ERC2: variants seen among roughly 807,000 people sequenced by gnomAD.
The protein encoded by ERC2 is ELKS/RAB6-interacting/CAST family member 2, also known as ERC protein 2.
A neutral mutation model predicts 114.8 loss-of-function variants in ERC2; 42 were observed. That is an observed-to-expected ratio of 0.37 (90% CI 0.29 to 0.47). The LOEUF (loss-of-function observed/expected upper bound fraction) is 0.47. Ranked by LOEUF, ERC2 falls within the 20% of genes least tolerant of loss-of-function variation. ERC2 has a pLI of 0.99. For synonymous variants in ERC2, 454 were observed against 425.5 expected, an observed-to-expected ratio of 1.07 and a Z score of -0.82; for missense variants, 939 against 1,150.7, an observed-to-expected ratio of 0.82 and a Z score of 2.66.
intron 12 of ERC2, among the ~76,000 whole-genome samples, chr3:55,966,908 A>G (rs1186121859): frequency 6.6e-6 from 1 of 152,198 alleles, no homozygotes; most frequent in African/African-American, 2.4e-5. Context: ...CAGAGGACAA[A>G]CACACAATCA....
intron 17 of ERC2, among the ~76,000 whole-genome samples, chr3:55,638,311 C>G (rs925048819): frequency 6.6e-6 from 1 of 152,186 alleles, no homozygotes; most frequent in African/African-American, 2.4e-5. Flanking sequence ...GCACAAGTAG[C>G]TTTTTCTCCA....
chr3:56,294,709 ACCAATAC>A lies in ERC2; in HGVS notation c.1074+1303_1074+1309del, dbSNP rs574119897. ...ATTTAGGAGCAAGTTATGAGGATCA[ACCAATAC>A]TCGAAGAGGATTATATAATGGTGTG... On this transcript the variant is annotated intron_variant, in intron 3 of 17. Coordinates refer to ENST00000288221, the MANE Select transcript of ERC2 (RefSeq NM_015576.3). Among the ~76,000 whole-genome samples the A allele has an allele frequency of 8.6e-4, 131 of 152,346 alleles. No homozygotes were observed. In the East Asian group the frequency reaches 0.024, roughly 27 times the overall value.
At chr3:56,117,336 C>T (rs73091242) in intron 6 of ERC2, among the ~76,000 whole-genome samples, 18,384 of 152,208 alleles carry the variant, frequency 0.12, 1,262 homozygotes, top group Non-Finnish European at 0.15. Flanking sequence ...TGGTAATATG[C>T]TATTACCTGG....
intron 10 of ERC2, among the ~76,000 whole-genome samples, chr3:56,005,376 A>C (rs914041967): frequency 1.3e-5 from 2 of 152,054 alleles, no homozygotes; most frequent in Non-Finnish European, 2.9e-5. Flanking sequence ...TGCGAGTCAA[A>C]GGAAACCACA....
At chr3:55,968,852 C>G (rs1185783066) in intron 12 of ERC2, among the ~76,000 whole-genome samples, 1 of 152,110 alleles carries the variant, frequency 6.6e-6, no homozygotes, top group Non-Finnish European at 1.5e-5. Flanking sequence ...CAGTAATGCT[C>G]TTTGCTGATA....
At chr3:56,463,437 C>G (rs1230969765) in intron 1 of ERC2, among the ~76,000 whole-genome samples, 1 of 152,100 alleles carries the variant, frequency 6.6e-6, no homozygotes, top group Non-Finnish European at 1.5e-5. Context: ...TTATCAGACC[C>G]AACTCTCATG....
chr3:55,887,029 G>GA lies in ERC2; in HGVS notation c.2564+1359dup, dbSNP rs2063378235. Among the ~76,000 whole-genome samples the GA allele has an allele frequency of 7.9e-5, 12 of 152,240 alleles. 1 individual carries two copies. In the South Asian group the frequency reaches 2.5e-3, roughly 32 times the overall value. On this transcript the variant is annotated intron_variant, in intron 14 of 17. Transcript: ENST00000288221. ...CTCTTGTCTGCATAATGACTACAGTGACTCAAACAGACAAAAGTTCTAGTC... is the reference window on the plus strand; with the variant it reads ...CTCTTGTCTGCATAATGACTACAGTGAACTCAAACAGACAAAAGTTCTAGTC...
intron 14 of ERC2, among the ~76,000 whole-genome samples, chr3:55,808,007 T>C (rs1176278866): frequency 6.6e-6 from 1 of 152,190 alleles, no homozygotes; most frequent in African/African-American, 2.4e-5. Flanking sequence ...TCAGCACTCA[T>C]TCCCCATCCA....
chr3:56,392,286 G>A (rs774013007), intron 2 of ERC2, among the ~76,000 whole-genome samples: 2 of 152,134 alleles, frequency 1.3e-5, no homozygotes, highest in African/African-American at 2.4e-5. Context: ...CTGGTCCTTA[G>A]TAACAGAAGT....
chr3:56,229,765 A>G (rs2050485099), intron 3 of ERC2, among the ~76,000 whole-genome samples: 1 of 152,118 alleles, frequency 6.6e-6, no homozygotes. Flanking sequence ...AAGGAATTGA[A>G]AACATTCTAA....
At chr3:56,188,963 C>T (rs142073369) in intron 3 of ERC2, among the ~76,000 whole-genome samples, 70 of 152,318 alleles carry the variant, frequency 4.6e-4, no homozygotes, top group Middle Eastern at 3.4e-3. Context: ...TCTTGCCATG[C>T]ACCAAGCATT....
At chr3:55,625,633 C>T (rs2059491588) in intron 17 of ERC2, among the ~76,000 whole-genome samples, 1 of 152,050 alleles carries the variant, frequency 6.6e-6, no homozygotes, top group Admixed American at 6.5e-5. Flanking sequence ...CGCCTGTAGT[C>T]CCAGCTACTC....
intron 12 of ERC2, among the ~76,000 whole-genome samples, chr3:55,958,563 C>T (rs2068132682): frequency 6.6e-6 from 1 of 152,196 alleles, no homozygotes. Flanking sequence ...AACATGCCAT[C>T]CACAGTGCCC....
chr3:55,901,725 C>T (rs1219735988), intron 13 of ERC2, among the ~76,000 whole-genome samples: 2 of 152,204 alleles, frequency 1.3e-5, no homozygotes, highest in African/African-American at 4.8e-5. Flanking sequence ...AGTGACATCC[C>T]ATCACTTCCA....
At chr3:56,218,377 A>T (rs1158842655) in intron 3 of ERC2, among the ~76,000 whole-genome samples, 2 of 152,234 alleles carry the variant, frequency 1.3e-5, no homozygotes, top group Non-Finnish European at 2.9e-5. Flanking sequence ...CAGCCAAAAG[A>T]CACATGAAAA....
At position 55,717,971 on chromosome 3, in the gene ERC2, T is replaced by C. The variant is rs79737764; in HGVS notation, c.2712+16800A>G. 7.9e-3 allele frequency among the ~76,000 whole-genome samples: 1,211 copies of C among 152,330 alleles called. 11 individuals are homozygous for C. The highest frequency in any genetic ancestry group is 0.016 in the South Asian group (78 of 4,820). ...TTTGTGCTCAGTGCACAGGGACTAA[T>C]GTTTTTCAACAAAATTTCATAAGGA... On this transcript the variant is annotated intron_variant, in intron 15 of 17. Coordinates refer to ENST00000288221, the MANE Select transcript of ERC2 (RefSeq NM_015576.3).
chr3:55,639,589 A>G (rs2148650837), intron 17 of ERC2, among the ~76,000 whole-genome samples: 1 of 152,338 alleles, frequency 6.6e-6, no homozygotes, highest in East Asian at 1.9e-4. Flanking sequence ...GAGATCTAAC[A>G]TCCTAGCTTG....
rs116099538 is a variant in ERC2, at chr3:56,430,496, C to T, written c.657+3855G>A. On this transcript the variant is annotated intron_variant, in intron 2 of 17. Coordinates refer to ENST00000288221, the MANE Select transcript of ERC2 (RefSeq NM_015576.3). ...CACTGTCCTCCATTTTAAGAAAACA[C>T]ATCATGAGGCAAAAGCACAAGTGAC... 2.6e-3 allele frequency among the ~76,000 whole-genome samples: 403 copies of T among 152,302 alleles called. 2 individuals carry two copies. Among genetic ancestry groups the T allele is most frequent in the African/African-American group, 9.0e-3 (375 of 41,554 alleles).
intron 3 of ERC2, among the ~76,000 whole-genome samples, chr3:56,237,581 A>T (rs1033557287): frequency 6.6e-6 from 1 of 152,178 alleles, no homozygotes; most frequent in African/African-American, 2.4e-5. Flanking sequence ...TGCATTTAAG[A>T]ACATAGTTTT....
Sources: allele counts gnomAD v4.1 joint callset (sites outside exome capture counted in the v4.1 genomes callset), GRCh38; gene constraint gnomAD v4.1.1; transcripts MANE v1.5; gene names NCBI Gene and HGNC (gene_info 2026-07-23, HGNC 2026-07-21).